Variants in USP14 observed in about 807,000 individuals in gnomAD.
The protein encoded by USP14 is ubiquitin specific peptidase 14, also known as ubiquitin carboxyl-terminal hydrolase 14.
A neutral mutation model predicts 76.5 loss-of-function variants in USP14; 38 were observed. The observed-to-expected ratio is 0.50, with a 90% CI of 0.38 to 0.65. The LOEUF (loss-of-function observed/expected upper bound fraction) is 0.65, where lower values mean the gene tolerates loss of function less well. USP14 is among the 30% of genes least tolerant of loss of function. USP14 has a pLI of 0.00. For synonymous variants in USP14, 192 were observed against 191.7 expected, an observed-to-expected ratio of 1.00 and a Z score of -0.01; for missense variants, 467 against 586.5, an observed-to-expected ratio of 0.80 and a Z score of 2.10.
rs1279735981 is a variant in USP14 at position 212,130 on chromosome 18, G to A, written c.*846G>A. On this transcript the variant is annotated 3_prime_UTR_variant, in exon 16 of 16. Coordinates refer to ENST00000261601, the MANE Select transcript of USP14 (RefSeq NM_005151.4). ...TTAATACTGTACAATTTCTGAAGATGGTTATTAACACTGTGCTGTTAAGCA... is the reference window on the plus strand; with the variant it reads ...TTAATACTGTACAATTTCTGAAGATAGTTATTAACACTGTGCTGTTAAGCA... 1.3e-5 allele frequency: 2 copies of A among 152,134 alleles called. No individual in the cohort carries two copies. The highest frequency in any genetic ancestry group is 2.9e-5 in the Non-Finnish European group (2 of 68,014). The allele number at this position is 152,134 out of a possible 1,614,324, so 9.4% of individuals were successfully genotyped here. A position where few individuals can be genotyped will look rare whatever the true frequency, so the allele number is the denominator to read the frequency against.
intron 3 of USP14, among the ~76,000 whole-genome samples, chr18:172,082 AAT>A (rs1288883527): frequency 1.3e-5 from 2 of 152,052 alleles, no homozygotes; most frequent in African/African-American, 4.8e-5. Flanking sequence ...CTCTACAAAA[AAT>A]AAAATTAGTT....
chr18:183,231 C>T (rs1460486899), intron 5 of USP14, among the ~76,000 whole-genome samples: 1 of 151,876 alleles, frequency 6.6e-6, no homozygotes, highest in Non-Finnish European at 1.5e-5. Flanking sequence ...TATTTGTCCA[C>T]TATTTTTGTG....
At chr18:160,038 C>CA (rs1909072702) in intron 1 of USP14, among the ~76,000 whole-genome samples, 1 of 152,166 alleles carries the variant, frequency 6.6e-6, no homozygotes, top group Admixed American at 6.5e-5. Context: ...CGCGGTGGCT[C>CA]ACGCCTGTAA....
Position 213,103 on chromosome 18 carries a change from G to A in USP14, c.*1819G>A, listed in dbSNP as rs1457898005. ...AATAGAATGGGCAGGATGAGACCAT[G>A]AAAATTATAATGATTCATGTATATT... is the stretch of plus-strand genomic sequence containing the variant. On this transcript the variant is annotated 3_prime_UTR_variant, in exon 16 of 16. Transcript: ENST00000261601. The A allele has an allele frequency of 6.6e-6, 1 of 150,610 alleles. No homozygotes were observed. Among genetic ancestry groups the A allele is most frequent in the Non-Finnish European group, 1.5e-5 (1 of 67,116 alleles). The allele number at this position is 150,610 out of a possible 1,614,324, so 9.3% of individuals were successfully genotyped here. A position where few individuals can be genotyped will look rare whatever the true frequency, so the allele number is the denominator to read the frequency against.
rs140878922 is a variant in USP14 at position 173,719 on chromosome 18, G to A, written c.196-5214G>A. ...ATTACAGGTGTGAGCCACCGCACCC[G>A]GTCTATTATCTGTTTTGAGTAAATT... On this transcript the variant is annotated intron_variant, in intron 3 of 15. Coordinates refer to ENST00000261601, the MANE Select transcript of USP14 (RefSeq NM_005151.4). Among the ~76,000 whole-genome samples the A allele has an allele frequency of 2.6e-4, 40 of 152,220 alleles. No homozygotes were observed. In the East Asian group the frequency reaches 6.4e-3, roughly 24 times the overall value.
intron 1 of USP14, 132 bp downstream of exon 1, chr18:158,846 C>G: frequency 1.6e-6 from 2 of 1,238,238 alleles, no homozygotes; most frequent in Non-Finnish European, 1.0e-6. Context: ...GCCGGCGGCG[C>G]GGAGATGACC....
At chr18:198,624 T>G (rs982713210) in intron 9 of USP14, among the ~76,000 whole-genome samples, 1 of 152,190 alleles carries the variant, frequency 6.6e-6, no homozygotes, top group Non-Finnish European at 1.5e-5. Context: ...CATTATGTTT[T>G]GATTAATATA....
intron 2 of USP14, among the ~76,000 whole-genome samples, chr18:164,534 A>C (rs1909214108): frequency 6.6e-6 from 1 of 151,808 alleles, no homozygotes; most frequent in Non-Finnish European, 1.5e-5. Context: ...GCTCACTGCA[A>C]CCTCCGCCTC....
intron 12 of USP14, 119 bp downstream of exon 12, chr18:203,309 A>G: frequency 1.2e-6 from 1 of 860,530 alleles, no homozygotes; most frequent in Non-Finnish European, 1.8e-6. Flanking sequence ...TATTTAGGGG[A>G]GCTAATATTA....
rs1444749634 is a variant in USP14 at position 211,331 on chromosome 18, G to C, written c.*47G>C. The C allele has an allele frequency of 6.4e-7, 1 of 1,558,208 alleles. No homozygotes were observed. ...TTAGATGTGAAAATAAATGTTATTT[G>C]TTGATCATTTCTATAATCCAGAGCT... On this transcript the variant is annotated 3_prime_UTR_variant, in exon 16 of 16. Transcript: ENST00000261601.
At chr18:176,559 CT>C (rs1265873032) in intron 3 of USP14, among the ~76,000 whole-genome samples, 1 of 151,944 alleles carries the variant, frequency 6.6e-6, no homozygotes, top group Non-Finnish European at 1.5e-5. Context: ...TATGTATTTG[CT>C]TTTTCTTATA....
At chr18:198,581 A>G (rs1910304619) in intron 9 of USP14, among the ~76,000 whole-genome samples, 1 of 152,170 alleles carries the variant, frequency 6.6e-6, no homozygotes, top group Non-Finnish European at 1.5e-5. Flanking sequence ...AAATATACCT[A>G]TTGGAGTGAT....
rs1407068635 is a variant in USP14 at position 211,930 on chromosome 18, T to C, written c.*646T>C. On this transcript the variant is annotated 3_prime_UTR_variant, in exon 16 of 16. Transcript: ENST00000261601. ...TCTCTCTCTGATGTACTGTGGATTG[T>C]ACATTTAACTTTGGAATGGCTTTGT... is the stretch of plus-strand genomic sequence containing the variant. 2.0e-5 allele frequency: 3 copies of C among 152,320 alleles called. No homozygotes were observed. Among genetic ancestry groups the C allele is most frequent in the Non-Finnish European group, 4.4e-5 (3 of 68,046 alleles). The allele number at this position is 152,320 out of a possible 1,614,324, so 9.4% of individuals were successfully genotyped here.
At chr18:161,811 A>C (rs1909126986) in intron 1 of USP14, among the ~76,000 whole-genome samples, 1 of 152,198 alleles carries the variant, frequency 6.6e-6, no homozygotes, top group Admixed American at 6.5e-5. Context: ...GGGTTTTAAA[A>C]ATATATATTT....
chr18:166,466 G>A (rs1334367062), intron 2 of USP14, among the ~76,000 whole-genome samples: 1 of 151,998 alleles, frequency 6.6e-6, no homozygotes, highest in Non-Finnish European at 1.5e-5. Context: ...CCGAGTAGCT[G>A]GAATTACAGG....
intron 5 of USP14, among the ~76,000 whole-genome samples, chr18:187,258 C>G (rs761630323): frequency 6.6e-6 from 1 of 151,940 alleles, no homozygotes; most frequent in Non-Finnish European, 1.5e-5. Context: ...TTTTTGAGAC[C>G]TGTTCCTAGA....
At chr18:184,794 G>T (rs1909883544) in intron 5 of USP14, among the ~76,000 whole-genome samples, 1 of 151,976 alleles carries the variant, frequency 6.6e-6, no homozygotes, top group African/African-American at 2.4e-5. Flanking sequence ...TAAAAAGAGA[G>T]TGGGATGTAT....
chr18:202,666 C>T (rs954649675), intron 10 of USP14, among the ~76,000 whole-genome samples: 53 of 152,048 alleles, frequency 3.5e-4, no homozygotes, highest in East Asian at 1.9e-4. Context: ...TCCACAACAA[C>T]GTAAATTATT....
intron 3 of USP14, among the ~76,000 whole-genome samples, chr18:178,207 A>G (rs1909682896): frequency 6.6e-6 from 1 of 151,984 alleles, no homozygotes; most frequent in Admixed American, 6.6e-5. Flanking sequence ...TTTTGTAGAG[A>G]TGGGATTTCG....
Sources: allele counts gnomAD v4.1 joint callset (sites outside exome capture counted in the v4.1 genomes callset), GRCh38; gene constraint gnomAD v4.1.1; transcripts MANE v1.5; gene names NCBI Gene and HGNC (gene_info 2026-07-23, HGNC 2026-07-21).